Variants in TDP1 observed in about 807,000 individuals in gnomAD.
TDP1 encodes tyr-DNA phosphodiesterase 1.
Under a neutral mutation model 81.5 loss-of-function variants are expected in TDP1, and 64 were observed. That is an observed-to-expected ratio of 0.79 (90% CI 0.64 to 0.97). The LOEUF is 0.97. TDP1 is among the 50% of genes least tolerant of loss of function. The pLI, the probability that TDP1 is intolerant of heterozygous loss-of-function variation, is 0.00. For missense variants in TDP1, 723 were observed against 743.8 expected (o/e 0.97, Z 0.33); for synonymous variants, 256 against 264.3 (o/e 0.97, Z 0.30).
chr14:89,998,025 T>C (rs1896789938), intron 14 of TDP1, among the ~76,000 whole-genome samples: 2 of 151,952 alleles, frequency 1.3e-5, no homozygotes, highest in African/African-American at 4.8e-5. Flanking sequence ...AGAGAAAAAA[T>C]AGAATGATAA....
intron 10 of TDP1, among the ~76,000 whole-genome samples, chr14:89,987,794 G>C (rs564332792): frequency 6.6e-6 from 1 of 152,310 alleles, no homozygotes; most frequent in Non-Finnish European, 1.5e-5. Flanking sequence ...AAGGTAAAAG[G>C]TTATATTGTA....
At chr14:89,959,986 A>G (rs1892138287) in intron 2 of TDP1, among the ~76,000 whole-genome samples, 2 of 152,196 alleles carry the variant, frequency 1.3e-5, no homozygotes, top group African/African-American at 2.4e-5. Flanking sequence ...AAGACCTGCT[A>G]CTTACTTTAG....
chr14:89,963,171 G>A lies in TDP1; in HGVS notation c.57G>A (p.Glu19=). The part of the protein sequence containing the change: ...RWTISSSDES[E]EEKPKPDKPS... ...CCATATCTAGTAGTGATGAAAGTGA[G>A]GAAGAAAAGCCAAAACCAGACAAGC... The change falls in exon 3 of 17, where the codon GAG becomes GAA. Residue 19 remains glutamate, a synonymous_variant. Coordinates refer to ENST00000335725, the MANE Select transcript of TDP1 (RefSeq NM_018319.4). The A allele has an allele frequency of 6.2e-7, 1 of 1,614,146 alleles. No homozygotes were observed. The highest frequency in any genetic ancestry group is 1.1e-5 in the South Asian group (1 of 91,086).
chr14:90,033,240 C>T (rs369082569), intron 16 of TDP1, 26 bp downstream of exon 16: 113 of 1,317,794 alleles, frequency 8.6e-5, no homozygotes, highest in Admixed American at 5.6e-4. Context: ...AGGAAAACCA[C>T]GGGTGGATAT....
rs200906712 is a variant in TDP1, at chr14:89,963,484, G to A, written c.370G>A (p.Ala124Thr). 23 of 1,606,144 alleles carry A rather than the reference G, an allele frequency of 1.4e-5. No homozygotes were observed. The African/African-American group carries it at 2.0e-4, about 14-fold the overall frequency. ...KDISAPNDGT[A>T]QRTENHGAPA... is the part of the protein sequence containing the mutation. ...CATCTCTGCTCCCAATGACGGCACT[G>A]CCCAAAGAACTGAAAATCATGGCGC... Residue 124 changes from alanine to threonine, a missense_variant, in exon 3 of 17, where the codon GCC becomes ACC. Ala to Thr is a moderately conservative substitution (Grantham distance 58). Transcript: ENST00000335725.
chr14:89,962,971 C>T, intron 2 of TDP1, 137 bp from the exon 3 acceptor site: 2 of 1,522,170 alleles, frequency 1.3e-6, no homozygotes, highest in East Asian at 2.4e-5. Context: ...TATAAACACC[C>T]AAAAAGCAGC....
At chr14:90,029,000 T>C (rs2140305763) in intron 15 of TDP1, among the ~76,000 whole-genome samples, 1 of 152,208 alleles carries the variant, frequency 6.6e-6, no homozygotes, top group African/African-American at 2.4e-5. Context: ...GCCACTAGCC[T>C]CTTTGTTTTT....
rs117353032 is a variant in TDP1, at chr14:90,000,530, A to G, written c.1541+7047A>G. Among the ~76,000 whole-genome samples, 597 of 152,174 alleles carry G rather than the reference A, an allele frequency of 3.9e-3. 7 individuals are homozygous for G. Among genetic ancestry groups the G allele is most frequent in the East Asian group, 0.028 (147 of 5,168 alleles). ...CTCCTGAGTAGCTGGGATTACAGGC[A>G]TGCGCCACCAGACCACGGCTAATTT... is the stretch of plus-strand genomic sequence containing the variant. On this transcript the variant is annotated intron_variant, in intron 14 of 16. Coordinates refer to ENST00000335725, the MANE Select transcript of TDP1 (RefSeq NM_018319.4).
chr14:90,004,943 C>T (rs1327273967), intron 14 of TDP1, among the ~76,000 whole-genome samples: 1 of 152,198 alleles, frequency 6.6e-6, no homozygotes, highest in Admixed American at 6.5e-5. Context: ...TTGTGCTATG[C>T]AGCACCAATG....
At chr14:90,019,770 T>G (rs551042363) in intron 15 of TDP1, among the ~76,000 whole-genome samples, 1 of 152,198 alleles carries the variant, frequency 6.6e-6, no homozygotes, top group Admixed American at 6.5e-5. Flanking sequence ...AAGCACAAGT[T>G]GTTTTAGGTA....
At chr14:90,023,666 A>G (rs1052977907) in intron 15 of TDP1, among the ~76,000 whole-genome samples, 7 of 150,628 alleles carry the variant, frequency 4.6e-5, no homozygotes, top group African/African-American at 1.2e-4. Flanking sequence ...CACTGTTACT[A>G]TTCACCTCAC....
chr14:89,981,920 C>T (rs1441091384), intron 8 of TDP1, among the ~76,000 whole-genome samples: 1 of 152,086 alleles, frequency 6.6e-6, no homozygotes, highest in Non-Finnish European at 1.5e-5. Flanking sequence ...CTCAGCCTCC[C>T]AAAGTGCTGA....
chr14:90,022,873 T>G, intron 15 of TDP1: 3 of 430,276 alleles, frequency 7.0e-6, no homozygotes, highest in Non-Finnish European at 9.3e-6. Flanking sequence ...AGGAGTGAGA[T>G]GCTTAACTTG....
At chr14:90,022,953 G>T in intron 15 of TDP1, 1 of 726,686 alleles carries the variant, frequency 1.4e-6, no homozygotes, top group South Asian at 1.5e-5. Flanking sequence ...GCTCCTACCT[G>T]GACGTTCCAG....
At chr14:90,011,973 C>T (rs147934963) in intron 14 of TDP1, among the ~76,000 whole-genome samples, 47 of 152,352 alleles carry the variant, frequency 3.1e-4, no homozygotes, top group South Asian at 6.2e-4. Context: ...GAAGTCTTCA[C>T]GGCAGACCCT....
intron 16 of TDP1, chr14:90,042,830 T>C: frequency 1.0e-6 from 1 of 957,574 alleles, no homozygotes; most frequent in Non-Finnish European, 1.2e-6. Context: ...CAATTCAAAA[T>C]GAGATTTGGA....
At chr14:90,003,415 G>A (rs1212623792) in intron 14 of TDP1, among the ~76,000 whole-genome samples, 1 of 152,172 alleles carries the variant, frequency 6.6e-6, no homozygotes, top group Admixed American at 6.5e-5. Context: ...GATATTTATG[G>A]TTTTAATAAG....
intron 14 of TDP1, among the ~76,000 whole-genome samples, chr14:90,017,271 G>A (rs916372654): frequency 6.9e-6 from 1 of 144,080 alleles, no homozygotes; most frequent in Admixed American, 6.8e-5. Flanking sequence ...ACAAGAGTTT[G>A]GAAATACCCC....
chr14:89,971,490 C>T (rs1893661775), intron 6 of TDP1, among the ~76,000 whole-genome samples: 1 of 152,154 alleles, frequency 6.6e-6, no homozygotes, highest in African/African-American at 2.4e-5. Context: ...GGCCTGAAGT[C>T]TTCTTACTAA....
Sources: allele counts gnomAD v4.1 joint callset (sites outside exome capture counted in the v4.1 genomes callset), GRCh38; gene constraint gnomAD v4.1.1; transcripts MANE v1.5; gene names NCBI Gene and HGNC (gene_info 2026-07-23, HGNC 2026-07-21).